The following SFT2D1 variants were observed in gnomAD, a reference collection of about 807,000 sequenced individuals.
The protein encoded by SFT2D1 is SFT2 domain containing 1, also known as vesicle transport protein SFT2A.
A neutral mutation model predicts 28.1 loss-of-function variants in SFT2D1; 24 were observed. The ratio of observed to expected loss-of-function variants is 0.85; its 90% CI spans 0.62 to 1.20. The LOEUF is 1.20. SFT2D1 is among the 50% of genes most tolerant of loss of function. The pLI is 0.00. For missense variants in SFT2D1, 181 were observed against 190.9 expected (o/e 0.95, Z 0.31); for synonymous variants, 82 against 73.7 (o/e 1.11, Z -0.58).
chr6:166,324,651 C>T lies in SFT2D1; in HGVS notation c.352-56G>A, dbSNP rs1583034507. On this transcript the variant is annotated intron_variant, in intron 5 of 7. Transcript: ENST00000361731. ...GTTTCAAAGTTTTAAAAACATCTTT[C>T]TCAATCAAACTTAATTCTTGTCTTT... 2.0e-6 allele frequency: 3 copies of T among 1,489,426 alleles called. No homozygotes were observed. In the East Asian group the frequency reaches 6.9e-5, roughly 34 times the overall value. 92.3% of individuals were successfully genotyped at this position (1,489,426 alleles called of 1,614,324 possible). A position where few individuals can be genotyped will look rare whatever the true frequency, so the allele number is the denominator to read the frequency against.
intron 5 of SFT2D1, among the ~76,000 whole-genome samples, chr6:166,325,569 T>A (rs1423315038): frequency 2.0e-5 from 3 of 152,240 alleles, no homozygotes; most frequent in Non-Finnish European, 4.4e-5. Flanking sequence ...CCCTCTCTAT[T>A]GGTTTTACAC....
rs183774695 is a variant in SFT2D1 at position 166,332,735 on chromosome 6, A to G, written c.64-2488T>C. ...CTTATCTGCTACCAGAGGAAGAGGA[A>G]GCCAAGAGAATACAGGCCCTTGAGG... On this transcript the variant is annotated intron_variant, in intron 1 of 7. Transcript: ENST00000361731. 1.4e-3 allele frequency among the ~76,000 whole-genome samples: 213 copies of G among 152,384 alleles called. 2 individuals carry two copies. The highest frequency in any genetic ancestry group is 5.0e-3 in the African/African-American group (206 of 41,598).
Position 166,324,526 on chromosome 6 carries a change from G to A in SFT2D1, c.410+11C>T, listed in dbSNP as rs982478834. ...AATTTTAACACTTCACTAGGGTAAG[G>A]AAAGACTTACCAGGTCATTGACAAG... On this transcript the variant is annotated intron_variant, in intron 6 of 7. Coordinates refer to ENST00000361731, the MANE Select transcript of SFT2D1 (RefSeq NM_145169.3). The A allele has an allele frequency of 3.7e-6, 6 of 1,608,788 alleles. No individual in the cohort carries two copies. In the African/African-American group the frequency reaches 4.0e-5, roughly 11 times the overall value.
intron 7 of SFT2D1, among the ~76,000 whole-genome samples, chr6:166,320,536 C>T (rs1335847786): frequency 8.6e-5 from 13 of 151,132 alleles, no homozygotes; most frequent in Non-Finnish European, 1.9e-4. Flanking sequence ...AATAACCTAA[C>T]AAAAGATCTA....
intron 6 of SFT2D1, 144 bp from the exon 7 acceptor site, chr6:166,323,030 G>C (rs12191010): frequency 0.14 from 85,548 of 603,564 alleles, 7,395 homozygotes; most frequent in Non-Finnish European, 0.18. Flanking sequence ...CCAGCAGTGA[G>C]AGCATCATCT....
chr6:166,341,768 C>T (rs1342488542), intron 1 of SFT2D1, among the ~76,000 whole-genome samples: 1 of 151,828 alleles, frequency 6.6e-6, no homozygotes, highest in Non-Finnish European at 1.5e-5. Context: ...AACCTTCTTG[C>T]TGGAGGAAGT....
At chr6:166,335,468 G>C in intron 1 of SFT2D1, 2 of 532,342 alleles carry the variant, frequency 3.8e-6, no homozygotes, top group Admixed American at 4.0e-5. Flanking sequence ...ACAATACTTT[G>C]CCAAATTTTA....
intron 1 of SFT2D1, chr6:166,335,250 T>C (rs1778624130): frequency 5.1e-6 from 3 of 589,260 alleles, no homozygotes; most frequent in South Asian, 4.1e-5. Context: ...GTGGTCATGA[T>C]GGCTTTGGTG....
chr6:166,328,407 G>T, intron 3 of SFT2D1, 50 bp from the exon 4 acceptor site: 2 of 1,080,560 alleles, frequency 1.9e-6, no homozygotes, highest in Non-Finnish European at 2.6e-6. Flanking sequence ...TAATTTATCT[G>T]GTTATGCAAA....
chr6:166,332,150 G>A (rs534781902), intron 1 of SFT2D1, among the ~76,000 whole-genome samples: 2 of 152,172 alleles, frequency 1.3e-5, no homozygotes, highest in African/African-American at 4.8e-5. Flanking sequence ...TCTAGGATAC[G>A]AAACAACTAT....
intron 1 of SFT2D1, among the ~76,000 whole-genome samples, chr6:166,339,480 T>C (rs1190795791): frequency 6.6e-6 from 1 of 152,174 alleles, no homozygotes; most frequent in East Asian, 1.9e-4. Flanking sequence ...CACTGCATCC[T>C]TCAACTACCA....
At chr6:166,327,701 G>A (rs1477882569) in intron 4 of SFT2D1, among the ~76,000 whole-genome samples, 1 of 152,056 alleles carries the variant, frequency 6.6e-6, no homozygotes, top group South Asian at 2.1e-4. Context: ...ATTTAAATAC[G>A]CAGCTACACC....
intron 5 of SFT2D1, 29 bp downstream of exon 5, chr6:166,326,103 T>C (rs376757154): frequency 2.5e-6 from 4 of 1,610,348 alleles, no homozygotes; most frequent in East Asian, 2.2e-5. Flanking sequence ...CACAGTTAAC[T>C]GAAAGCCAGT....
chr6:166,336,762 G>C (rs1006472016), intron 1 of SFT2D1, among the ~76,000 whole-genome samples: 3 of 152,176 alleles, frequency 2.0e-5, no homozygotes, highest in African/African-American at 7.2e-5. Flanking sequence ...TAGAAGCGGG[G>C]TCTCGCCATG....
intron 1 of SFT2D1, among the ~76,000 whole-genome samples, chr6:166,340,093 C>T (rs1366197127): frequency 2.0e-5 from 3 of 152,238 alleles, no homozygotes; most frequent in African/African-American, 7.2e-5. Context: ...ACATCCAATC[C>T]GTCAACAGTG....
At chr6:166,332,580 T>C (rs1236959639) in intron 1 of SFT2D1, among the ~76,000 whole-genome samples, 1 of 152,228 alleles carries the variant, frequency 6.6e-6, no homozygotes, top group Non-Finnish European at 1.5e-5. Flanking sequence ...TAAGCATTTA[T>C]GTGCTGCTTT....
chr6:166,326,872 T>C (rs1314013742), intron 4 of SFT2D1, among the ~76,000 whole-genome samples: 3 of 152,200 alleles, frequency 2.0e-5, no homozygotes, highest in Non-Finnish European at 2.9e-5. Flanking sequence ...ATTTCTTAAA[T>C]AAAACTAACT....
At chr6:166,328,916 CCT>C (rs1213600707) in intron 3 of SFT2D1, among the ~76,000 whole-genome samples, 3 of 152,182 alleles carry the variant, frequency 2.0e-5, no homozygotes, top group Non-Finnish European at 4.4e-5. Context: ...ATAAAGTAGC[CCT>C]CTGTCACTAC....
At chr6:166,339,702 C>T (rs1347259256) in intron 1 of SFT2D1, among the ~76,000 whole-genome samples, 1 of 152,096 alleles carries the variant, frequency 6.6e-6, no homozygotes, top group Non-Finnish European at 1.5e-5. Flanking sequence ...TCCTAAAGCA[C>T]TCTCTTCCCT....
Sources: gnomAD v4.1 joint callset for allele counts (sites outside exome capture counted in the v4.1 genomes callset) on GRCh38, gnomAD v4.1.1 for gene constraint, MANE v1.5 for transcripts, NCBI Gene and HGNC (gene_info 2026-07-23, HGNC 2026-07-21) for gene names.